Variants in DLGAP1 observed in about 807,000 individuals in gnomAD.
DLGAP1 encodes the protein DLG associated protein 1.
Under a neutral mutation model 90.8 loss-of-function variants are expected in DLGAP1, and 11 were observed. That is an observed-to-expected ratio of 0.12 (90% CI 0.08 to 0.20). The LOEUF is 0.20. DLGAP1 is among the 10% of genes least tolerant of loss of function. DLGAP1 has a pLI of 1.00. For missense variants in DLGAP1, 1,050 were observed against 1,333.8 expected, an observed-to-expected ratio of 0.79 and a Z score of 3.31; for synonymous variants, 558 against 540.7, an observed-to-expected ratio of 1.03 and a Z score of -0.44.
chr18:3,667,298 C>T (rs185390080), intron 7 of DLGAP1, among the ~76,000 whole-genome samples: 1 of 152,208 alleles, frequency 6.6e-6, no homozygotes, highest in Non-Finnish European at 1.5e-5. Flanking sequence ...AGGCTGGTCT[C>T]AAACTCCTGA....
At chr18:3,588,192 G>A in intron 7 of DLGAP1, among the ~76,000 whole-genome samples, 1 of 152,238 alleles carries the variant, frequency 6.6e-6, no homozygotes, top group Admixed American at 6.5e-5. Context: ...GGGCGCTGTG[G>A]CTCACGCCTG....
At chr18:4,085,900 T>C (rs1463036868) in intron 2 of DLGAP1, among the ~76,000 whole-genome samples, 1 of 152,232 alleles carries the variant, frequency 6.6e-6, no homozygotes, top group Non-Finnish European at 1.5e-5. Flanking sequence ...CAATTATCTC[T>C]ATTTTGCTTA....
intron 1 of DLGAP1, among the ~76,000 whole-genome samples, chr18:4,419,247 G>GA (rs2082974327): frequency 5.3e-5 from 8 of 152,130 alleles, no homozygotes; most frequent in Admixed American, 5.2e-4. Flanking sequence ...AACAGCACGG[G>GA]AAAGACCCAC....
chr18:3,767,420 C>G (rs1196161687), intron 5 of DLGAP1, among the ~76,000 whole-genome samples: 1 of 151,784 alleles, frequency 6.6e-6, no homozygotes, highest in East Asian at 1.9e-4. Context: ...CTAGCATTAC[C>G]CTAATATCAA....
At chr18:3,595,060 G>A (rs1430682224) in intron 7 of DLGAP1, among the ~76,000 whole-genome samples, 1 of 152,158 alleles carries the variant, frequency 6.6e-6, no homozygotes, top group Admixed American at 6.5e-5. Context: ...TGCCAACGGC[G>A]GTATTTGTAA....
At chr18:3,811,345 T>C (rs1011380776) in intron 5 of DLGAP1, among the ~76,000 whole-genome samples, 5 of 152,196 alleles carry the variant, frequency 3.3e-5, no homozygotes, top group Non-Finnish European at 5.9e-5. Context: ...ATCATAATGA[T>C]TGAGTTTTCA....
At chr18:3,557,799 T>C (rs1599226323) in intron 9 of DLGAP1, among the ~76,000 whole-genome samples, 1 of 151,848 alleles carries the variant, frequency 6.6e-6, no homozygotes, top group Admixed American at 6.6e-5. Context: ...TGGTGGCGGG[T>C]GCCTATAATC....
At chr18:4,047,641 A>G (rs1215188852) in intron 2 of DLGAP1, among the ~76,000 whole-genome samples, 1 of 152,230 alleles carries the variant, frequency 6.6e-6, no homozygotes, top group East Asian at 1.9e-4. Flanking sequence ...CATTTGTATC[A>G]GATGTCTCAA....
chr18:3,951,785 A>C (rs1033998026), intron 3 of DLGAP1, among the ~76,000 whole-genome samples: 21 of 152,022 alleles, frequency 1.4e-4, no homozygotes, highest in African/African-American at 5.1e-4. Context: ...TTCCCCCTTC[A>C]CACATTTTTT....
intron 7 of DLGAP1, chr18:3,604,125 T>C (rs1330091878): frequency 6.5e-6 from 1 of 152,746 alleles, no homozygotes; most frequent in Non-Finnish European, 1.5e-5. Context: ...AGCTAACTCC[T>C]GCCAACATCG....
chr18:3,864,998 C>T (rs918587822), intron 4 of DLGAP1, among the ~76,000 whole-genome samples: 1 of 151,902 alleles, frequency 6.6e-6, no homozygotes, highest in Non-Finnish European at 1.5e-5. Context: ...ATATGAGGCT[C>T]ATGTACCAAG....
chr18:3,867,863 G>C (rs542196561), intron 4 of DLGAP1, among the ~76,000 whole-genome samples: 73 of 152,280 alleles, frequency 4.8e-4, no homozygotes, highest in African/African-American at 1.7e-3. Context: ...AGACACACTT[G>C]ATGGCTTGTT....
At chr18:4,361,134 C>T (rs1263173199) in intron 1 of DLGAP1, among the ~76,000 whole-genome samples, 1 of 152,024 alleles carries the variant, frequency 6.6e-6, no homozygotes, top group African/African-American at 2.4e-5. Context: ...CAGAAGAGGG[C>T]TTCAGGGAGT....
intron 1 of DLGAP1, among the ~76,000 whole-genome samples, chr18:4,226,492 A>G (rs77782510): frequency 0.045 from 6,827 of 152,160 alleles, 188 homozygotes; most frequent in African/African-American, 0.057. Context: ...AAAACTTTTC[A>G]AGGCATAGGT....
At chr18:4,447,695 A>G (rs1383772173) in intron 1 of DLGAP1, among the ~76,000 whole-genome samples, 1 of 152,228 alleles carries the variant, frequency 6.6e-6, no homozygotes, top group Admixed American at 6.5e-5. Flanking sequence ...AATGTGTGAC[A>G]CAGGTACAGA....
At chr18:3,802,071 G>C (rs2066324927) in intron 5 of DLGAP1, among the ~76,000 whole-genome samples, 1 of 151,756 alleles carries the variant, frequency 6.6e-6, no homozygotes. Context: ...TGTAACCTCT[G>C]CCTCCCAGGT....
intron 2 of DLGAP1, among the ~76,000 whole-genome samples, chr18:4,076,755 C>T (rs540514773): frequency 4.6e-5 from 7 of 152,118 alleles, no homozygotes; most frequent in African/African-American, 1.7e-4. Flanking sequence ...TCCCGAGTAG[C>T]TGGGATTACA....
chr18:3,820,978 C>G (rs2067375580), intron 4 of DLGAP1, among the ~76,000 whole-genome samples: 1 of 152,194 alleles, frequency 6.6e-6, no homozygotes, highest in East Asian at 1.9e-4. Flanking sequence ...TTCCATCTTA[C>G]TGCTTCAAAA....
intron 10 of DLGAP1, among the ~76,000 whole-genome samples, chr18:3,521,609 A>C (rs1440238535): frequency 2.6e-5 from 4 of 152,282 alleles, no homozygotes; most frequent in African/African-American, 9.6e-5. Flanking sequence ...GCACCTTGCC[A>C]GAAAGCCTTA....
Sources: gnomAD v4.1 joint callset for allele counts (sites outside exome capture counted in the v4.1 genomes callset) on GRCh38, gnomAD v4.1.1 for gene constraint, MANE v1.5 for transcripts, NCBI Gene and HGNC (gene_info 2026-07-23, HGNC 2026-07-21) for gene names.